Variants in FUT6 observed in about 807,000 individuals in gnomAD.
FUT6 encodes 4-galactosyl-N-acetylglucosaminide 3-alpha-L-fucosyltransferase FUT6.
For missense variants in FUT6, 454 were observed against 494.6 expected (o/e 0.92, Z 0.78); for synonymous variants, 187 against 209.9 (o/e 0.89, Z 0.94).
In FUT6 at chr19:5,832,244, G is replaced by T. The variant is rs2144790495; in HGVS notation, c.324C>A (p.His108Gln). ...TGGGGTTGTACATGACCTCTCGGTG[G>T]TGCACGATGACCGCGTCTGCCTGTG... ...VYPQADAVIV[H>Q]HREVMYNPSA... Residue 108 changes from histidine to glutamine, a missense_variant, in exon 3 of 3, where the codon CAC (histidine) becomes CAA (glutamine). Coordinates refer to ENST00000318336, the MANE Select transcript of FUT6 (RefSeq NM_000150.4). This position sits in a 1 kb window ranked among gnomAD's most constrained non-coding sequence, Gnocchi z 4.3. 3 of 1,613,994 alleles carry T rather than the reference G, an allele frequency of 1.9e-6. No homozygotes were observed. Among genetic ancestry groups the T allele is most frequent in the Non-Finnish European group, 2.5e-6 (3 of 1,180,030 alleles).
chr19:5,837,855 G>C (rs1183550638), intron 1 of FUT6: 3 of 152,192 alleles, frequency 2.0e-5, no homozygotes, highest in African/African-American at 4.8e-5. Flanking sequence ...TGGTGACCTA[G>C]GTGTGATGAG....
intron 2 of FUT6, among the ~76,000 whole-genome samples, chr19:5,834,147 A>G (rs2057147433): frequency 6.6e-6 from 1 of 150,806 alleles, no homozygotes; most frequent in African/African-American, 2.4e-5. Flanking sequence ...GAAAAAAAAA[A>G]GAGAGAATAG....
In FUT6 at chr19:5,831,894, T is replaced by A; in HGVS notation, c.674A>T (p.His225Leu). Residue 225 changes from histidine (H) to leucine (L), a missense_variant, in exon 3 of 3, where the codon CAC becomes CTC. Coordinates refer to ENST00000318336, the MANE Select transcript of FUT6 (RefSeq NM_000150.4). The surrounding 1 kb of genome is among the most constrained non-coding windows in gnomAD (Gnocchi z 7.0). Reference sequence around the variant, plus strand: ...CATGGTTCCCTGGGGCAGGGGCTTGTGGGAGCGTCCGTACACGTCCACCTT... The same window carrying A: ...CATGGTTCCCTGGGGCAGGGGCTTGAGGGAGCGTCCGTACACGTCCACCTT... ...HLKVDVYGRS[H>L]KPLPQGTMME... 6.2e-7 allele frequency: 1 copy of A among 1,613,888 alleles called. No homozygotes were observed. The highest frequency in any genetic ancestry group is 8.5e-7 in the Non-Finnish European group (1 of 1,179,862).
intron 1 of FUT6, among the ~76,000 whole-genome samples, chr19:5,837,093 A>C (rs1050678722): frequency 6.6e-6 from 1 of 152,044 alleles, no homozygotes; most frequent in Non-Finnish European, 1.5e-5. Context: ...GCTGGAGCAC[A>C]GTGGCGTGAT....
At chr19:5,833,359 T>C (rs773126136) in intron 2 of FUT6, among the ~76,000 whole-genome samples, 3 of 146,720 alleles carry the variant, frequency 2.0e-5, no homozygotes, top group Non-Finnish European at 3.0e-5. Flanking sequence ...CGTGGTGGCG[T>C]GTGCCTGTAA....
chr19:5,835,790 C>A (rs2144811980), intron 1 of FUT6, among the ~76,000 whole-genome samples: 1 of 152,292 alleles, frequency 6.6e-6, no homozygotes, highest in East Asian at 1.9e-4. Flanking sequence ...AACAAAGCAA[C>A]TTTCTGTGAT....
At position 5,831,835 on chromosome 19, in the gene FUT6, C is replaced by T. The variant is rs1335905839; in HGVS notation, c.733G>A (p.Ala245Thr). Residue 245 changes from alanine (A) to threonine (T), a missense_variant, in exon 3 of 3, where the codon GCC (alanine) becomes ACC (threonine). Physicochemically the swap from Ala to Thr is moderately conservative, Grantham distance 58. Coordinates refer to ENST00000318336, the MANE Select transcript of FUT6 (RefSeq NM_000150.4). This position sits in a 1 kb window ranked among gnomAD's most constrained non-coding sequence, Gnocchi z 7.0. Reference protein sequence around the residue: ...ETLSRYKFYLAFENSLHPDYI... With the variant: ...ETLSRYKFYLTFENSLHPDYI... Reference sequence around the variant, plus strand: ...TCGGGGTGCAAGGAGTTCTCGAAGGCCAGATAGAACTTGTACCGGGACAGC... The same window carrying T: ...TCGGGGTGCAAGGAGTTCTCGAAGGTCAGATAGAACTTGTACCGGGACAGC... 1 of 1,613,922 alleles carries T rather than the reference C, an allele frequency of 6.2e-7. No homozygotes were observed. Among genetic ancestry groups the T allele is most frequent in the Non-Finnish European group, 8.5e-7 (1 of 1,179,860 alleles).
In FUT6 at chr19:5,835,803, C is replaced by T. The variant is rs570292258; in HGVS notation, c.-140-726G>A. 2.2e-4 allele frequency among the ~76,000 whole-genome samples: 34 copies of T among 152,244 alleles called. No individual in the cohort carries two copies. In the South Asian group the frequency reaches 2.3e-3, roughly 10 times the overall value. On this transcript the variant is annotated intron_variant, in intron 1 of 2. Coordinates refer to ENST00000318336, the MANE Select transcript of FUT6 (RefSeq NM_000150.4). ...AAAACAAAGCAACTTTCTGTGATGA[C>T]GGAAATGTTCTCTACATGCAGCATC...
intron 1 of FUT6, among the ~76,000 whole-genome samples, chr19:5,836,318 C>G (rs549543067): frequency 6.6e-6 from 1 of 151,284 alleles, no homozygotes; most frequent in Non-Finnish European, 1.5e-5. Flanking sequence ...CGGGTTCAAG[C>G]GATTCTCTTG....
Position 5,831,643 on chromosome 19 carries a change from C to T in FUT6, c.925G>A (p.Asp309Asn). 1.9e-6 allele frequency: 3 copies of T among 1,613,286 alleles called. No homozygotes were observed. The highest frequency in any genetic ancestry group is 2.5e-6 in the Non-Finnish European group (3 of 1,179,948). Reference protein sequence around the residue: ...KDLARYLQELDKDHARYLSYF... With the variant: ...KDLARYLQELNKDHARYLSYF... ...CTCAGGTAGCGGGCGTGGTCCTTGT[C>T]CAGCTCCTGCAGGTACCGGGCCAGG... The change falls in exon 3 of 3, where the codon GAC becomes AAC. Residue 309 changes from aspartate to asparagine, a missense_variant. Coordinates refer to ENST00000318336, the MANE Select transcript of FUT6 (RefSeq NM_000150.4). This position sits in a 1 kb window ranked among gnomAD's most constrained non-coding sequence, Gnocchi z 7.0.
chr19:5,836,197 C>T lies in FUT6; in HGVS notation c.-140-1120G>A, dbSNP rs563882940. On this transcript the variant is annotated intron_variant, in intron 1 of 2. Coordinates refer to ENST00000318336, the MANE Select transcript of FUT6 (RefSeq NM_000150.4). ...CTGTGAGCCACTGTGCCCGGCCTGG[C>T]TAATGTTAATTTTCTTTTCTTTTCT... is the stretch of plus-strand genomic sequence containing the variant. Among the ~76,000 whole-genome samples the T allele has an allele frequency of 4.7e-5, 3 of 63,770 alleles. No individual in the cohort carries two copies. The East Asian group carries it at 2.2e-3, about 47-fold the overall frequency. The allele number at this position is 63,770 out of a possible 152,430, so 41.8% of individuals were successfully genotyped here.
At position 5,832,248 on chromosome 19, in the gene FUT6, A is replaced by G; in HGVS notation, c.320T>C (p.Val107Ala). ...GTTGTACATGACCTCTCGGTGGTGC[A>G]CGATGACCGCGTCTGCCTGTGGATA... ...KVYPQADAVI[V>A]HHREVMYNPS... Residue 107 changes from valine (V) to alanine (A), a missense_variant, in exon 3 of 3, where the codon GTG becomes GCG. Val to Ala is a moderately conservative substitution (Grantham distance 64, BLOSUM62 0). Transcript: ENST00000318336. This position sits in a 1 kb window ranked among gnomAD's most constrained non-coding sequence, Gnocchi z 4.3. The G allele has an allele frequency of 3.7e-6, 6 of 1,602,316 alleles. No individual in the cohort carries two copies. The highest frequency in any genetic ancestry group is 5.1e-6 in the Non-Finnish European group (6 of 1,175,562).
Position 5,832,395 on chromosome 19 carries a change from G to A in FUT6, c.173C>T (p.Ala58Val), listed in dbSNP as rs1414224349. 2 of 1,613,980 alleles carry A rather than the reference G, an allele frequency of 1.2e-6. No homozygotes were observed. Among genetic ancestry groups the A allele is most frequent in the Admixed American group, 1.7e-5 (1 of 60,008 alleles). Residue 58 changes from alanine (A) to valine (V), a missense_variant, in exon 3 of 3, where the codon GCC (alanine) becomes GTC (valine). By Grantham distance (64) the Ala-to-Val change is moderately conservative. Transcript: ENST00000318336. The surrounding 1 kb of genome is among the most constrained non-coding windows in gnomAD (Gnocchi z 4.3). The stretch of plus-strand genomic sequence containing the variant: ...CAGCAGGATCAGGGGGATGGAGTGG[G>A]CGGGGGTCCCTGTGCTGTCTGGGAA... The part of the protein sequence containing the change: ...SRFPDSTGTP[A>V]HSIPLILLWT...
rs1320438764 is a variant in FUT6, at chr19:5,830,426, A to C, written c.*1062T>G. Among the ~76,000 whole-genome samples, 1 of 149,312 alleles carries C rather than the reference A, an allele frequency of 6.7e-6. No homozygotes were observed. Among genetic ancestry groups the C allele is most frequent in the Non-Finnish European group, 1.5e-5 (1 of 67,452 alleles). ...CACAGAATTGCACACTCAGAAAGGG[A>C]CACTCCCCCCTTTTTTTTTTTTTCT... On this transcript the variant is annotated 3_prime_UTR_variant, in exon 3 of 3. Transcript: ENST00000318336.
chr19:5,836,044 A>G (rs558291136), intron 1 of FUT6, among the ~76,000 whole-genome samples: 13 of 152,010 alleles, frequency 8.6e-5, no homozygotes, highest in African/African-American at 2.2e-4. Context: ...GTGCACCATC[A>G]TGCCTGGCTA....
chr19:5,837,592 C>T (rs1401345297), intron 1 of FUT6, among the ~76,000 whole-genome samples: 3 of 151,538 alleles, frequency 2.0e-5, no homozygotes, highest in African/African-American at 7.3e-5. Flanking sequence ...TGGTGAAACC[C>T]CGTCTCTACT....
intron 2 of FUT6, among the ~76,000 whole-genome samples, chr19:5,833,211 T>C (rs2057131058): frequency 6.6e-6 from 1 of 152,194 alleles, no homozygotes; most frequent in Non-Finnish European, 1.5e-5. Flanking sequence ...TTGAAAGTAA[T>C]GGCAGCCATG....
At chr19:5,837,327 C>T (rs2057193834) in intron 1 of FUT6, among the ~76,000 whole-genome samples, 1 of 151,760 alleles carries the variant, frequency 6.6e-6, no homozygotes, top group South Asian at 2.1e-4. Flanking sequence ...CATGAGTCAC[C>T]ACGCCCAGCC....
In FUT6 at chr19:5,831,373, A is replaced by G. The variant is rs1401510850; in HGVS notation, c.*115T>C. ...AACAGGTGACCGTCCCAGGCAGGTG[A>G]GTCCTCAGGCAGGTGAAGCTTCAGG... On this transcript the variant is annotated 3_prime_UTR_variant, in exon 3 of 3. Coordinates refer to ENST00000318336, the MANE Select transcript of FUT6 (RefSeq NM_000150.4). The surrounding 1 kb of genome is among the most constrained non-coding windows in gnomAD (Gnocchi z 7.0). The G allele has an allele frequency of 8.1e-6, 13 of 1,610,006 alleles. No individual in the cohort carries two copies. In the South Asian group the frequency reaches 1.3e-4, roughly 16 times the overall value.
Sources: gnomAD v4.1 joint callset for allele counts (sites outside exome capture counted in the v4.1 genomes callset) on GRCh38, gnomAD v4.1.1 for gene constraint, Gnocchi (gnomAD v3.1) non-coding constraint, MANE v1.5 for transcripts, NCBI Gene and HGNC (gene_info 2026-07-23, HGNC 2026-07-21) for gene names.